The following CFAP221 variants were observed in gnomAD, a reference collection of about 807,000 sequenced individuals.
CFAP221 encodes cilia- and flagella-associated protein 221.
In CFAP221, 97 loss-of-function variants were observed where a neutral mutation model predicts 113.1. The ratio of observed to expected loss-of-function variants is 0.86; its 90% CI spans 0.73 to 1.02. The LOEUF (loss-of-function observed/expected upper bound fraction) is 1.02. Ranked by LOEUF, CFAP221 falls within the 50% of genes least tolerant of loss-of-function variation. CFAP221 has a pLI of 0.00. For missense variants in CFAP221, 1,025 were observed against 1,013.4 expected (o/e 1.01, Z -0.16); for synonymous variants, 331 against 354.4 (o/e 0.93, Z 0.74).
chr2:119,639,143 C>G (rs1687318346), intron 20 of CFAP221, among the ~76,000 whole-genome samples: 1 of 152,170 alleles, frequency 6.6e-6, no homozygotes, highest in Non-Finnish European at 1.5e-5. Flanking sequence ...CTAGTCTAGC[C>G]CTTGGCCCAC....
At chr2:119,569,642 A>T (rs1681906548) in intron 6 of CFAP221, among the ~76,000 whole-genome samples, 1 of 151,634 alleles carries the variant, frequency 6.6e-6, no homozygotes, top group Non-Finnish European at 1.5e-5. Context: ...TACCTTTTGT[A>T]GTTGTCCCAC....
downstream of CFAP221, among the ~76,000 whole-genome samples, chr2:119,659,415 C>T (rs1383151388): frequency 2.0e-5 from 3 of 152,188 alleles, no homozygotes; most frequent in South Asian, 2.1e-4. Context: ...TTCCCCTACA[C>T]GCTAGTTGGG....
chr2:119,643,536 A>G (rs556410162), intron 21 of CFAP221, among the ~76,000 whole-genome samples: 2 of 152,272 alleles, frequency 1.3e-5, no homozygotes, highest in South Asian at 4.1e-4. Flanking sequence ...TTGTCAAGTA[A>G]GGACATTAAA....
intron 19 of CFAP221, among the ~76,000 whole-genome samples, chr2:119,633,190 C>T (rs1686896594): frequency 6.6e-6 from 1 of 151,838 alleles, no homozygotes; most frequent in South Asian, 2.1e-4. Context: ...TCAATTAGTA[C>T]CTCACACCAT....
chr2:119,659,717 C>T (rs556022865), downstream of CFAP221, among the ~76,000 whole-genome samples: 2 of 78,426 alleles, frequency 2.6e-5, no homozygotes, highest in South Asian at 4.8e-4. Flanking sequence ...ATAACCCACT[C>T]GTCCGCACCC....
chr2:119,627,257 C>A (rs1686376860), intron 15 of CFAP221, among the ~76,000 whole-genome samples: 1 of 151,974 alleles, frequency 6.6e-6, no homozygotes, highest in Non-Finnish European at 1.5e-5. Context: ...TTTAATGATT[C>A]TTTCTTCCTC....
At chr2:119,632,286 T>G (rs1686825433) in intron 19 of CFAP221, among the ~76,000 whole-genome samples, 1 of 152,182 alleles carries the variant, frequency 6.6e-6, no homozygotes, top group Non-Finnish European at 1.5e-5. Flanking sequence ...TCAAATTAAT[T>G]GCTATATAAA....
rs35349202 is a variant in CFAP221 at position 119,595,960 on chromosome 2, C to T, written c.632-5258C>T. On this transcript the variant is annotated intron_variant, in intron 7 of 23. Coordinates refer to ENST00000413369, the MANE Select transcript of CFAP221 (RefSeq NM_001271049.2). ...GCAATGGTCACATTCAAGGGAAAGA[C>T]GAGAGCCCATTGTGGCCAGGGTGTG... Among the ~76,000 whole-genome samples, 470 of 151,896 alleles carry T rather than the reference C, an allele frequency of 3.1e-3. 7 individuals are homozygous for T. Among genetic ancestry groups the T allele is most frequent in the Admixed American group, 0.025 (378 of 15,244 alleles).
At chr2:119,620,060 G>A (rs189097338) in intron 14 of CFAP221, among the ~76,000 whole-genome samples, 3 of 152,040 alleles carry the variant, frequency 2.0e-5, no homozygotes, top group African/African-American at 7.2e-5. Flanking sequence ...GAAAAGGAAT[G>A]AACAAAGCCC....
At chr2:119,547,691 C>G (rs1680148248) in intron 2 of CFAP221, among the ~76,000 whole-genome samples, 1 of 152,158 alleles carries the variant, frequency 6.6e-6, no homozygotes, top group Non-Finnish European at 1.5e-5. Flanking sequence ...ACCACACCAG[C>G]CTTAACCCAT....
intron 7 of CFAP221, among the ~76,000 whole-genome samples, chr2:119,596,794 T>C (rs1038134403): frequency 6.6e-6 from 1 of 152,208 alleles, no homozygotes; most frequent in Admixed American, 6.5e-5. Context: ...ACATGAACAG[T>C]ATCCAAAAGC....
chr2:119,627,897 TC>T, intron 16 of CFAP221, 111 bp downstream of exon 16: 1 of 1,412,844 alleles, frequency 7.1e-7, no homozygotes, highest in Non-Finnish European at 9.6e-7. Flanking sequence ...TCCCAGAGGC[TC>T]CAAAGGAAGA....
At chr2:119,597,113 A>G (rs72834845) in intron 7 of CFAP221, among the ~76,000 whole-genome samples, 2,324 of 152,312 alleles carry the variant, frequency 0.015, 61 homozygotes, top group Admixed American at 0.067. Context: ...TTTATTTAGC[A>G]TAAGGATTGA....
downstream of CFAP221, among the ~76,000 whole-genome samples, chr2:119,659,920 T>A (rs1688557052): frequency 6.6e-6 from 1 of 152,224 alleles, no homozygotes; most frequent in African/African-American, 2.4e-5. Context: ...TCCCTCAGCA[T>A]CCACGCTTAA....
chr2:119,595,862 G>T (rs536891023), intron 7 of CFAP221, among the ~76,000 whole-genome samples: 9 of 152,038 alleles, frequency 5.9e-5, no homozygotes, highest in Non-Finnish European at 8.8e-5. Flanking sequence ...TAACAAAAAG[G>T]CACCAGACTT....
chr2:119,559,664 C>G (rs1452238143), intron 3 of CFAP221, 25 bp from the exon 4 acceptor site: 3 of 1,484,822 alleles, frequency 2.0e-6, no homozygotes, highest in Non-Finnish European at 2.7e-6. Flanking sequence ...TGTATTTCCT[C>G]TAAATACTTC....
chr2:119,657,654 T>C (rs1163880654), downstream of CFAP221, among the ~76,000 whole-genome samples: 8 of 152,210 alleles, frequency 5.3e-5, no homozygotes, highest in East Asian at 1.5e-3. Flanking sequence ...TACAGCTTTA[T>C]TGAGTAATGT....
At chr2:119,600,616 T>C (rs879765430) in intron 7 of CFAP221, among the ~76,000 whole-genome samples, 19 of 152,238 alleles carry the variant, frequency 1.2e-4, no homozygotes, top group Non-Finnish European at 1.3e-4. Flanking sequence ...ATGAAAAAGC[T>C]ACATAAGGAT....
intron 8 of CFAP221, chr2:119,602,701 C>T: frequency 2.0e-6 from 2 of 985,426 alleles, no homozygotes; most frequent in Non-Finnish European, 2.4e-6. Context: ...ACTCGGGCAA[C>T]AAACAAGTAG....
Sources: allele counts gnomAD v4.1 joint callset (sites outside exome capture counted in the v4.1 genomes callset), GRCh38; gene constraint gnomAD v4.1.1; transcripts MANE v1.5; gene names NCBI Gene and HGNC (gene_info 2026-07-23, HGNC 2026-07-21).